CTNNA2: variants seen among roughly 807,000 people sequenced by gnomAD.
CTNNA2 encodes the protein catenin alpha 2, also known as catenin alpha-2.
A neutral mutation model predicts 101.0 loss-of-function variants in CTNNA2; 42 were observed. The ratio of observed to expected loss-of-function variants is 0.42; its 90% CI spans 0.32 to 0.54. The LOEUF is 0.54. Ranked by LOEUF, CTNNA2 falls within the 20% of genes least tolerant of loss-of-function variation. The pLI is 0.14. For synonymous variants in CTNNA2, 450 were observed against 456.4 expected (o/e 0.99, Z 0.18); for missense variants, 871 against 1,223.1 (o/e 0.71, Z 4.29).
chr2:79,706,256 G>A (rs557254563), intron 2 of CTNNA2, among the ~76,000 whole-genome samples: 1 of 151,686 alleles, frequency 6.6e-6, no homozygotes, highest in Non-Finnish European at 1.5e-5. Flanking sequence ...CCAGCTTCTC[G>A]GGAGGCTGAG....
At chr2:79,208,370 G>A (rs1281344348) in intron 2 of CTNNA2, among the ~76,000 whole-genome samples, 1 of 152,140 alleles carries the variant, frequency 6.6e-6, no homozygotes, top group African/African-American at 2.4e-5. Flanking sequence ...CACCTAGATG[G>A]GAAAGGATAT....
chr2:79,526,861 A>G (rs1474595814), intron 1 of CTNNA2, among the ~76,000 whole-genome samples: 15 of 152,192 alleles, frequency 9.9e-5, no homozygotes, highest in Admixed American at 9.8e-4. Context: ...AGACCTAAAT[A>G]TGAGAGCTAA....
intron 3 of CTNNA2, among the ~76,000 whole-genome samples, chr2:79,350,612 T>G (rs990216035): frequency 6.6e-6 from 1 of 152,210 alleles, no homozygotes; most frequent in East Asian, 1.9e-4. Flanking sequence ...CACAGGAGTC[T>G]TTTTTAATAT....
At chr2:79,347,340 G>A (rs1677284617) in intron 3 of CTNNA2, among the ~76,000 whole-genome samples, 2 of 152,100 alleles carry the variant, frequency 1.3e-5, no homozygotes, top group Non-Finnish European at 2.9e-5. Flanking sequence ...CATCTACAAG[G>A]TGAATTACCT....
intron 7 of CTNNA2, among the ~76,000 whole-genome samples, chr2:79,913,480 T>C (rs1360648166): frequency 6.6e-6 from 1 of 152,098 alleles, no homozygotes; most frequent in Admixed American, 6.5e-5. Context: ...GAATTTGACT[T>C]TCATTCTAAT....
intron 7 of CTNNA2, among the ~76,000 whole-genome samples, chr2:80,102,921 G>A (rs954403818): frequency 6.6e-6 from 1 of 151,356 alleles, no homozygotes; most frequent in Non-Finnish European, 1.5e-5. Flanking sequence ...CAGGACAGTG[G>A]GGGGCAGACC....
At chr2:80,092,609 A>G (rs1333712556) in intron 7 of CTNNA2, among the ~76,000 whole-genome samples, 1 of 152,150 alleles carries the variant, frequency 6.6e-6, no homozygotes, top group Non-Finnish European at 1.5e-5. Flanking sequence ...TTTTCAACAT[A>G]GAAGACTGCC....
At chr2:79,966,815 T>A (rs553053584) in intron 7 of CTNNA2, among the ~76,000 whole-genome samples, 5 of 152,298 alleles carry the variant, frequency 3.3e-5, no homozygotes, top group Admixed American at 2.0e-4. Flanking sequence ...CAACTTTTTT[T>A]ATTCTATTAT....
intron 2 of CTNNA2, among the ~76,000 whole-genome samples, chr2:79,227,138 G>C (rs1480990008): frequency 6.6e-6 from 1 of 152,044 alleles, no homozygotes; most frequent in Non-Finnish European, 1.5e-5. Context: ...TTATTAATCA[G>C]CTGGATTTTC....
intron 4 of CTNNA2, among the ~76,000 whole-genome samples, chr2:79,486,310 T>G (rs2104560513): frequency 6.7e-6 from 1 of 150,020 alleles, no homozygotes; most frequent in Non-Finnish European, 1.5e-5. Flanking sequence ...CACCTATGAG[T>G]GAGAACATGC....
intron 9 of CTNNA2, among the ~76,000 whole-genome samples, chr2:80,512,906 C>A (rs1688823612): frequency 1.3e-5 from 2 of 151,938 alleles, no homozygotes; most frequent in South Asian, 4.2e-4. Flanking sequence ...TTTTTGGCAT[C>A]CACCAAGAAT....
intron 7 of CTNNA2, among the ~76,000 whole-genome samples, chr2:79,962,188 CT>C (rs1241051784): frequency 6.6e-6 from 1 of 152,236 alleles, no homozygotes; most frequent in African/African-American, 2.4e-5. Flanking sequence ...TGGCAACTGA[CT>C]TTTATTTCTC....
intron 1 of CTNNA2, among the ~76,000 whole-genome samples, chr2:79,606,434 A>AT (rs1017131206): frequency 2.6e-5 from 4 of 151,926 alleles, no homozygotes; most frequent in East Asian, 1.9e-4. Context: ...CGCCTGGCTA[A>AT]TTTTTTTGTA....
chr2:80,591,689 T>G (rs1030899263), intron 15 of CTNNA2, among the ~76,000 whole-genome samples: 2 of 151,892 alleles, frequency 1.3e-5, no homozygotes, highest in Non-Finnish European at 2.9e-5. Flanking sequence ...ACTTGGCCAC[T>G]CTCCATAATG....
At chr2:80,618,948 A>C in intron 17 of CTNNA2, 137 bp from the exon 18 acceptor site, 6 of 464,780 alleles carry the variant, frequency 1.3e-5, no homozygotes, top group Non-Finnish European at 1.5e-5. Context: ...TCAGCACGTA[A>C]TTCCTTCATA....
chr2:80,454,848 C>T (rs527676015), intron 9 of CTNNA2, among the ~76,000 whole-genome samples: 4 of 152,312 alleles, frequency 2.6e-5, no homozygotes, highest in East Asian at 1.9e-4. Context: ...GATTGGCAGG[C>T]GGGCAGTCAG....
At chr2:79,630,214 G>A (rs1420421917) in intron 1 of CTNNA2, among the ~76,000 whole-genome samples, 2 of 152,166 alleles carry the variant, frequency 1.3e-5, no homozygotes, top group Admixed American at 6.5e-5. Context: ...TTCCCCAAGT[G>A]GCACTGTAAG....
At chr2:80,234,135 C>T (rs1369668149) in intron 7 of CTNNA2, among the ~76,000 whole-genome samples, 1 of 152,042 alleles carries the variant, frequency 6.6e-6, no homozygotes, top group African/African-American at 2.4e-5. Context: ...CAACCTCCAC[C>T]TCCCTGGTTC....
chr2:80,146,012 C>G (rs1386051066), intron 7 of CTNNA2, among the ~76,000 whole-genome samples: 1 of 152,160 alleles, frequency 6.6e-6, no homozygotes, highest in Admixed American at 6.5e-5. Flanking sequence ...ACTTCCATGG[C>G]CATGCTGTAG....
Sources: gnomAD v4.1 joint callset for allele counts (sites outside exome capture counted in the v4.1 genomes callset) on GRCh38, gnomAD v4.1.1 for gene constraint, MANE v1.5 for transcripts, NCBI Gene and HGNC (gene_info 2026-07-23, HGNC 2026-07-21) for gene names.